The following RAPGEF6 variants were observed in gnomAD, a reference collection of about 807,000 sequenced individuals.
The protein encoded by RAPGEF6 is PDZ domain containing guanine nucleotide exchange factor (GEF) 2.
RAPGEF6 carries 56 observed loss-of-function variants against 171.4 expected under a neutral mutation model. That is an observed-to-expected ratio of 0.33 (90% confidence interval 0.26 to 0.41). RAPGEF6 has a LOEUF of 0.41. RAPGEF6 is among the 10% of genes least tolerant of loss of function. The pLI is 1.00. For missense variants in RAPGEF6, 1,674 were observed against 1,921.4 expected, an observed-to-expected ratio of 0.87 and a Z score of 2.41; for synonymous variants, 692 against 650.1, an observed-to-expected ratio of 1.06 and a Z score of -0.98.
intron 1 of RAPGEF6, among the ~76,000 whole-genome samples, chr5:131,625,074 C>T (rs1248592645): frequency 1.3e-5 from 2 of 151,814 alleles, no homozygotes; most frequent in Non-Finnish European, 2.9e-5. Flanking sequence ...CCAGCCTGGC[C>T]AACATGGTGT....
intron 1 of RAPGEF6, among the ~76,000 whole-genome samples, chr5:131,621,081 T>A (rs541000992): frequency 6.6e-6 from 1 of 152,178 alleles, no homozygotes; most frequent in Non-Finnish European, 1.5e-5. Flanking sequence ...ACCATACGTA[T>A]CCTGTGGCCT....
intron 9 of RAPGEF6, among the ~76,000 whole-genome samples, chr5:131,506,298 G>A (rs1412598700): frequency 2.6e-5 from 4 of 152,148 alleles, no homozygotes; most frequent in Non-Finnish European, 5.9e-5. Flanking sequence ...CCACCACCAT[G>A]CTTGGTCAAT....
intron 23 of RAPGEF6, among the ~76,000 whole-genome samples, chr5:131,441,180 A>G (rs922244911): frequency 1.3e-5 from 2 of 152,230 alleles, no homozygotes; most frequent in Non-Finnish European, 2.9e-5. Flanking sequence ...TTAAAGGCAA[A>G]GATTTAAAGC....
intron 1 of RAPGEF6, among the ~76,000 whole-genome samples, chr5:131,624,062 G>A (rs1765759853): frequency 6.6e-6 from 1 of 152,200 alleles, no homozygotes; most frequent in African/African-American, 2.4e-5. Flanking sequence ...GAATCAGAAT[G>A]TACCAGGCCA....
chr5:131,552,201 C>T (rs1696070101), intron 5 of RAPGEF6, among the ~76,000 whole-genome samples: 1 of 151,830 alleles, frequency 6.6e-6, no homozygotes, highest in Admixed American at 6.6e-5. Flanking sequence ...CAAACAGCTA[C>T]ACCCTCATTA....
At chr5:131,548,865 T>G (rs541992622) in intron 5 of RAPGEF6, among the ~76,000 whole-genome samples, 51 of 152,112 alleles carry the variant, frequency 3.4e-4, no homozygotes, top group African/African-American at 1.2e-3. Context: ...TAAAGGTGAG[T>G]TGGCAACCTG....
chr5:131,579,755 T>C (rs557377198), intron 4 of RAPGEF6, among the ~76,000 whole-genome samples: 1 of 152,050 alleles, frequency 6.6e-6, no homozygotes, highest in African/African-American at 2.4e-5. Flanking sequence ...TACAAACCTT[T>C]AGCTAGACAC....
At chr5:131,605,244 AAAC>A (rs766910618) in intron 1 of RAPGEF6, among the ~76,000 whole-genome samples, 22 of 152,174 alleles carry the variant, frequency 1.4e-4, no homozygotes, top group African/African-American at 1.7e-4. Context: ...CTAGGCATTA[AAAC>A]AACAACAACA....
At position 131,477,186 on chromosome 5, in the gene RAPGEF6, C is replaced by T. The variant is rs190530863; in HGVS notation, c.2081+2327G>A. 2.0e-3 allele frequency among the ~76,000 whole-genome samples: 299 copies of T among 152,084 alleles called. 1 individual carries two copies. The highest frequency in any genetic ancestry group is 6.3e-3 in the African/African-American group (263 of 41,508). On this transcript the variant is annotated intron_variant, in intron 16 of 27. Coordinates refer to ENST00000509018, the MANE Select transcript of RAPGEF6 (RefSeq NM_016340.6). ...GTCAAGAAATATAAGATACATTCTC[C>T]GAAATGCAAAAAGGCCAGTCTGATA...
Position 131,442,394 on chromosome 5 carries a change from A to C in RAPGEF6, c.3565T>G (p.Leu1189Val). The change falls in exon 23 of 28, where the codon TTG (leucine) becomes GTG (valine). Residue 1189 changes from leucine to valine, a missense_variant. Leu to Val is a conservative substitution (Grantham distance 32). Transcript: ENST00000509018. ...SQVLQVPAVN[L>V]HPIRKKGQTK... ...TGTCCCTTCTTCCTGATGGGGTGCAAATTAACAGCTGGCACCTGAAGCACC... is the reference window on the plus strand; with the variant it reads ...TGTCCCTTCTTCCTGATGGGGTGCACATTAACAGCTGGCACCTGAAGCACC... 6.2e-7 allele frequency: 1 copy of C among 1,614,072 alleles called. No individual in the cohort carries two copies. Among genetic ancestry groups the C allele is most frequent in the South Asian group, 1.1e-5 (1 of 91,080 alleles).
At chr5:131,589,069 TA>T (rs1295076381) in intron 4 of RAPGEF6, among the ~76,000 whole-genome samples, 53 of 143,926 alleles carry the variant, frequency 3.7e-4, no homozygotes, top group East Asian at 1.4e-3. Flanking sequence ...GACTCTGTCT[TA>T]AAAAAAAAAA....
chr5:131,629,532 T>C lies in RAPGEF6; in HGVS notation c.69+5430A>G, dbSNP rs140536401. On this transcript the variant is annotated intron_variant, in intron 1 of 27. Coordinates refer to ENST00000509018, the MANE Select transcript of RAPGEF6 (RefSeq NM_016340.6). ...ACTTTGGGAGGCTAAGGTGGGAGGA[T>C]TGCTTGGGCCCAGGAGTTCAAGATC... 4.0e-5 allele frequency among the ~76,000 whole-genome samples: 6 copies of C among 151,240 alleles called. No individual in the cohort carries two copies. The East Asian group carries it at 7.8e-4, about 20-fold the overall frequency.
intron 6 of RAPGEF6, among the ~76,000 whole-genome samples, chr5:131,541,335 C>A (rs1760127614): frequency 6.6e-6 from 1 of 152,114 alleles, no homozygotes; most frequent in Admixed American, 6.6e-5. Context: ...CAAAGTGACT[C>A]ATCAAAGGGT....
Position 131,461,687 on chromosome 5 carries a change from C to G in RAPGEF6, c.2864+18G>C, listed in dbSNP as rs763828506. On this transcript the variant is annotated intron_variant, in intron 19 of 27. Transcript: ENST00000509018. ...GACAAAACCATACAGACATTTGTAC[C>G]TATTTGTACCAACTTACCTTATTAT... The G allele has an allele frequency of 1.9e-6, 3 of 1,576,120 alleles. No individual in the cohort carries two copies. The highest frequency in any genetic ancestry group is 2.6e-6 in the Non-Finnish European group (3 of 1,156,232).
At chr5:131,601,103 G>A (rs1470017967) in intron 3 of RAPGEF6, among the ~76,000 whole-genome samples, 1 of 140,904 alleles carries the variant, frequency 7.1e-6, no homozygotes, top group Non-Finnish European at 1.5e-5. Flanking sequence ...AAAAAAGAAG[G>A]CTGGGAGCGG....
rs1760669427 is a variant in RAPGEF6, at chr5:131,548,098, T to C, written c.444A>G (p.Lys148=). 1.9e-6 allele frequency: 3 copies of C among 1,613,912 alleles called. No homozygotes were observed. Among genetic ancestry groups the C allele is most frequent in the South Asian group, 2.2e-5 (2 of 91,076 alleles). The change falls in exon 6 of 28, where the codon AAA becomes AAG. Residue 148 remains lysine (K), a synonymous_variant. Transcript: ENST00000509018. ...SRRRFRKINY[K]GERQTITDDV... is the part of the protein sequence containing the mutation. ...CATCAGTAATGGTTTGGCGCTCTCC[T>C]TTATAGTTAATTTTCCGAAATCTTC... is the stretch of plus-strand genomic sequence containing the variant.
intron 6 of RAPGEF6, among the ~76,000 whole-genome samples, chr5:131,545,138 TA>T (rs568611619): frequency 1.3e-5 from 2 of 152,056 alleles, no homozygotes; most frequent in African/African-American, 4.8e-5. Flanking sequence ...TATTCTACAT[TA>T]AAAAAAGTCA....
chr5:131,560,088 A>T (rs2149965206), intron 5 of RAPGEF6, among the ~76,000 whole-genome samples: 1 of 152,326 alleles, frequency 6.6e-6, no homozygotes, highest in Non-Finnish European at 1.5e-5. Context: ...TTAAAATTAT[A>T]CCAATCATCA....
At chr5:131,522,829 C>T (rs1438161791) in intron 6 of RAPGEF6, among the ~76,000 whole-genome samples, 2 of 152,194 alleles carry the variant, frequency 1.3e-5, no homozygotes, top group Non-Finnish European at 2.9e-5. Flanking sequence ...CATCTTTGCA[C>T]TGGGACCCTG....
Sources: gnomAD v4.1 joint callset for allele counts (sites outside exome capture counted in the v4.1 genomes callset) on GRCh38, gnomAD v4.1.1 for gene constraint, MANE v1.5 for transcripts, NCBI Gene and HGNC (gene_info 2026-07-23, HGNC 2026-07-21) for gene names.